ATRN: variants seen among roughly 807,000 people sequenced by gnomAD.
ATRN encodes the protein attractin, also known as attractin-2.
Under a neutral mutation model 178.7 loss-of-function variants are expected in ATRN, and 54 were observed. That is an observed-to-expected ratio of 0.30 (90% CI 0.24 to 0.38). ATRN has a LOEUF of 0.38. Among genes scored for constraint, ATRN ranks in the 10% least tolerant of loss-of-function variants. The pLI is 1.00. For synonymous variants in ATRN, 636 were observed against 663.0 expected, an observed-to-expected ratio of 0.96 and a Z score of 0.63; for missense variants, 1,443 against 1,815.1, an observed-to-expected ratio of 0.79 and a Z score of 3.73.
chr20:3,618,637 G>A lies in ATRN; in HGVS notation c.3802-5874G>A, dbSNP rs190162574. Among the ~76,000 whole-genome samples, 1,103 of 152,346 alleles carry A rather than the reference G, an allele frequency of 7.2e-3. 7 individuals are homozygous for A. The highest frequency in any genetic ancestry group is 0.013 in the Non-Finnish European group (875 of 68,036). On this transcript the variant is annotated intron_variant, in intron 24 of 28. Coordinates refer to ENST00000262919, the MANE Select transcript of ATRN (RefSeq NM_139321.3). ...GAGGTTGGGAGCAGACAGATGGTGA[G>A]TGTTCGTTTGCATGGCAGGAATGAG...
At chr20:3,492,812 CAGAGAGAGAGAGAAATAGAAAGGG>C (rs1282082196) in intron 1 of ATRN, among the ~76,000 whole-genome samples, 1 of 147,514 alleles carries the variant, frequency 6.8e-6, no homozygotes, top group Non-Finnish European at 1.5e-5. Context: ...CTGTACTGTC[CAGAGAGAGAGAGAAATAGAAAGGG>C]AGAGAGAGAG....
chr20:3,492,864 CGCGT>C (rs1234823521), intron 1 of ATRN, among the ~76,000 whole-genome samples: 38 of 120,272 alleles, frequency 3.2e-4, no homozygotes, highest in African/African-American at 1.4e-3. Flanking sequence ...GGCGCGCGCG[CGCGT>C]GCGCACGCAC....
chr20:3,637,521 C>A (rs571698378), intron 26 of ATRN, among the ~76,000 whole-genome samples: 8 of 152,296 alleles, frequency 5.3e-5, no homozygotes, highest in Non-Finnish European at 1.2e-4. Flanking sequence ...AGAGCCATAT[C>A]TATCCAGGCC....
intron 2 of ATRN, among the ~76,000 whole-genome samples, chr20:3,536,512 CA>C (rs1434848621): frequency 2.0e-5 from 3 of 152,096 alleles, no homozygotes; most frequent in African/African-American, 7.2e-5. Context: ...CACCCGGCCC[CA>C]AATAAGTTTA....
intron 26 of ATRN, among the ~76,000 whole-genome samples, chr20:3,636,686 G>A (rs6037642): frequency 0.012 from 1,765 of 152,252 alleles, 42 homozygotes; most frequent in African/African-American, 0.041. Context: ...ATTGTCCCTC[G>A]TTATGTTTTA....
intron 25 of ATRN, among the ~76,000 whole-genome samples, chr20:3,631,842 G>A (rs2086991853): frequency 6.6e-6 from 1 of 152,042 alleles, no homozygotes; most frequent in African/African-American, 2.4e-5. Flanking sequence ...TTATCTATTA[G>A]AATAAAAATA....
chr20:3,584,430 G>A (rs2086327229), intron 17 of ATRN, among the ~76,000 whole-genome samples: 1 of 152,070 alleles, frequency 6.6e-6, no homozygotes, highest in South Asian at 2.1e-4. Flanking sequence ...GGTCCCTTTT[G>A]CCTTCAACAT....
At position 3,582,241 on chromosome 20, in the gene ATRN, C is replaced by G; in HGVS notation, c.2651C>G (p.Pro884Arg). ...ACAAATAGTTTACTACAGTGGATGC[C>G]GTCTGAGCCCAGTGATGCTGGATTC... ...PFTNSLLQWM[P>R]SEPSDAGFCG... is the part of the protein sequence containing the mutation. The change falls in exon 16 of 29, where the codon CCG becomes CGG. Residue 884 changes from proline to arginine, a missense_variant. Physicochemically the swap from Pro to Arg is moderately radical, Grantham distance 103. Transcript: ENST00000262919. 2 of 1,613,880 alleles carry G rather than the reference C, an allele frequency of 1.2e-6. No individual in the cohort carries two copies. The highest frequency in any genetic ancestry group is 8.5e-7 in the Non-Finnish European group (1 of 1,180,014).
At chr20:3,510,362 G>A (rs909293617) in intron 1 of ATRN, among the ~76,000 whole-genome samples, 3 of 152,186 alleles carry the variant, frequency 2.0e-5, no homozygotes, top group Non-Finnish European at 4.4e-5. Flanking sequence ...CTCTGCTGTT[G>A]TAGAGAGAAG....
intron 3 of ATRN, among the ~76,000 whole-genome samples, chr20:3,541,191 C>T (rs915530991): frequency 7.9e-5 from 12 of 151,584 alleles, no homozygotes; most frequent in African/African-American, 2.4e-4. Context: ...CATTCTCCTG[C>T]CTCAGCCTCC....
chr20:3,510,497 T>C (rs2085110840), intron 1 of ATRN, among the ~76,000 whole-genome samples: 1 of 152,252 alleles, frequency 6.6e-6, no homozygotes, highest in African/African-American at 2.4e-5. Flanking sequence ...ATTTAGAATA[T>C]TTGTACTGCC....
chr20:3,496,180 T>C (rs917609020), intron 1 of ATRN, among the ~76,000 whole-genome samples: 10 of 151,874 alleles, frequency 6.6e-5, no homozygotes, highest in Admixed American at 5.3e-4. Context: ...TAGTTATTTC[T>C]TGCCTTCTGC....
intron 24 of ATRN, among the ~76,000 whole-genome samples, chr20:3,616,606 A>T (rs2086849765): frequency 6.6e-6 from 1 of 152,066 alleles, no homozygotes; most frequent in African/African-American, 2.4e-5. Context: ...AGAGCTGGGG[A>T]GGGCCATTAT....
At chr20:3,492,875 G>GCGCGCA (rs1555807936) in intron 1 of ATRN, among the ~76,000 whole-genome samples, 4 of 106,790 alleles carry the variant, frequency 3.7e-5, no homozygotes, top group South Asian at 2.5e-4. Flanking sequence ...GCGTGCGCAC[G>GCGCGCA]CACACACACA....
chr20:3,646,980 C>T lies in ATRN; in HGVS notation c.*133C>T. 1 of 1,181,584 alleles carries T rather than the reference C, an allele frequency of 8.5e-7. No homozygotes were observed. The highest frequency in any genetic ancestry group is 2.7e-5 in the East Asian group (1 of 37,194). The allele number at this position is 1,181,584 out of a possible 1,614,324, so 73.2% of individuals were successfully genotyped here. A position where few individuals can be genotyped will look rare whatever the true frequency, so the allele number is the denominator to read the frequency against. On this transcript the variant is annotated 3_prime_UTR_variant, in exon 29 of 29. Coordinates refer to ENST00000262919, the MANE Select transcript of ATRN (RefSeq NM_139321.3). ...CTGGAAACCCTCAAAGCATCTGACT[C>T]ACCTGCATGATCACAAGCTTTCTTT...
At position 3,645,011 on chromosome 20, in the gene ATRN, TATATG is replaced by T. The variant is rs2087097271; in HGVS notation, c.4165+745_4165+749del. On this transcript the variant is annotated intron_variant, in intron 28 of 28. Coordinates refer to ENST00000262919, the MANE Select transcript of ATRN (RefSeq NM_139321.3). This position sits in a 1 kb window ranked among gnomAD's most constrained non-coding sequence, Gnocchi z 4.7. ...ATGCATGTGACACTTCTCCATCAAA[TATATG>T]AATCATGATTATATAAACTTCTATT... Among the ~76,000 whole-genome samples, 1 of 152,272 alleles carries T rather than the reference TATATG, an allele frequency of 6.6e-6. No individual in the cohort carries two copies. The highest frequency in any genetic ancestry group is 1.5e-5 in the Non-Finnish European group (1 of 68,046).
chr20:3,500,611 T>TC (rs536136699), intron 1 of ATRN, among the ~76,000 whole-genome samples: 88 of 147,544 alleles, frequency 6.0e-4, no homozygotes, highest in African/African-American at 2.2e-3. Flanking sequence ...CTGCATATTC[T>TC]CACTCATAGG....
At chr20:3,476,396 T>G (rs1466994868) in intron 1 of ATRN, among the ~76,000 whole-genome samples, 1 of 152,242 alleles carries the variant, frequency 6.6e-6, no homozygotes, top group African/African-American at 2.4e-5. Flanking sequence ...CCAGTCACTC[T>G]TTATGGACGT....
intron 24 of ATRN, among the ~76,000 whole-genome samples, chr20:3,609,189 T>C (rs1002554489): frequency 6.6e-6 from 1 of 152,176 alleles, no homozygotes; most frequent in East Asian, 1.9e-4. Flanking sequence ...TTGTGACCTC[T>C]TCAATTTCTT....
Sources: gnomAD v4.1 joint callset for allele counts (sites outside exome capture counted in the v4.1 genomes callset) on GRCh38, gnomAD v4.1.1 for gene constraint, Gnocchi (gnomAD v3.1) non-coding constraint, MANE v1.5 for transcripts, NCBI Gene and HGNC (gene_info 2026-07-23, HGNC 2026-07-21) for gene names.